The following TNFRSF13B variants were observed in gnomAD, a reference collection of about 807,000 sequenced individuals.
The protein encoded by TNFRSF13B is tumor necrosis factor receptor superfamily member 13B.
In TNFRSF13B, 34 loss-of-function variants were observed where a neutral mutation model predicts 24.0. The ratio of observed to expected loss-of-function variants is 1.41; its 90% confidence interval spans 1.08 to 1.88. TNFRSF13B has a LOEUF of 1.88. Among genes scored for constraint, TNFRSF13B ranks in the 40% most tolerant of loss-of-function variants. The probability of loss-of-function intolerance (pLI) is 0.00; values close to 1 mark genes in which losing one functional copy is unlikely to be tolerated. For missense variants in TNFRSF13B, 415 were observed against 380.8 expected, an observed-to-expected ratio of 1.09 and a Z score of -0.75; for synonymous variants, 173 against 150.3, an observed-to-expected ratio of 1.15 and a Z score of -1.10.
chr17:16,947,289 C>A (rs1284765096), intron 3 of TNFRSF13B, among the ~76,000 whole-genome samples: 2 of 152,118 alleles, frequency 1.3e-5, no homozygotes, highest in Non-Finnish European at 2.9e-5. Context: ...GACATTGGCC[C>A]TGGGAAAGAA....
At chr17:16,955,490 C>T (rs1025977775) in intron 1 of TNFRSF13B, among the ~76,000 whole-genome samples, 5 of 152,046 alleles carry the variant, frequency 3.3e-5, no homozygotes, top group African/African-American at 1.2e-4. Context: ...AAGATGTAAT[C>T]GAATAAATTG....
chr17:16,969,139 TTCCTTA>T (rs1399026885), intron 1 of TNFRSF13B, among the ~76,000 whole-genome samples: 1 of 152,208 alleles, frequency 6.6e-6, no homozygotes, highest in Non-Finnish European at 1.5e-5. Flanking sequence ...CATTTTGCAG[TTCCTTA>T]AAATGTTAAA....
At chr17:16,958,692 TA>T (rs1319988276) in intron 1 of TNFRSF13B, among the ~76,000 whole-genome samples, 1 of 152,012 alleles carries the variant, frequency 6.6e-6, no homozygotes, top group Non-Finnish European at 1.5e-5. Flanking sequence ...AAGCAGACTT[TA>T]AATCACAAAA....
chr17:16,959,424 A>C (rs1387758254), intron 1 of TNFRSF13B, among the ~76,000 whole-genome samples: 1 of 148,928 alleles, frequency 6.7e-6, no homozygotes, highest in Non-Finnish European at 1.5e-5. Flanking sequence ...ACCTTGAGGA[A>C]ATAAAAATAG....
In TNFRSF13B at chr17:16,948,782, C is replaced by G. The variant is rs776020692; in HGVS notation, c.401G>C (p.Gly134Ala). The G allele has an allele frequency of 1.2e-6, 2 of 1,614,182 alleles. No individual in the cohort carries two copies. The highest frequency in any genetic ancestry group is 1.7e-6 in the Non-Finnish European group (2 of 1,180,032). The change falls in exon 3 of 5, where the codon GGA becomes GCA. Residue 134 changes from glycine to alanine, a missense_variant. Gly to Ala is a moderately conservative substitution (Grantham distance 60, BLOSUM62 0). Transcript: ENST00000261652. ...GEVENNSDNS[G>A]RYQGLEHRGS... ...TCTGTGCTCCAATCCTTGGTACCTT[C>G]CCGAGTTGTCTGAATTGTTTTCAAC...
chr17:16,940,404 A>G lies in TNFRSF13B; in HGVS notation c.553T>C (p.Phe185Leu), dbSNP rs749816465. ...LCCFLVAVAC[F>L]LKKRGDPCSC... ...CAGGGATCCCCCCTCTTCTTGAGGA[A>G]GCAGGCCACCGCCACCAGGAAGCAG... Residue 185 changes from phenylalanine (F) to leucine (L), a missense_variant, in exon 4 of 5, where the codon TTC (phenylalanine) becomes CTC (leucine). Physicochemically the swap from Phe to Leu is conservative, Grantham distance 22. Coordinates refer to ENST00000261652, the MANE Select transcript of TNFRSF13B (RefSeq NM_012452.3). 1.9e-6 allele frequency: 3 copies of G among 1,614,062 alleles called. No individual in the cohort carries two copies. The highest frequency in any genetic ancestry group is 2.5e-6 in the Non-Finnish European group (3 of 1,180,016).
intron 3 of TNFRSF13B, chr17:16,941,493 G>C (rs2087509758): frequency 1.0e-6 from 1 of 987,538 alleles, no homozygotes; most frequent in Non-Finnish European, 1.2e-6. Context: ...TGGAAAGACA[G>C]ATGAGCCAGA....
chr17:16,948,591 T>G lies in TNFRSF13B; in HGVS notation c.445+147A>C, dbSNP rs2087565172. The G allele has an allele frequency of 4.3e-6, 5 of 1,167,954 alleles. No homozygotes were observed. In the East Asian group the frequency reaches 1.2e-4, roughly 28 times the overall value. The allele number at this position is 1,167,954 out of a possible 1,614,324, so 72.3% of individuals were successfully genotyped here. A position where few individuals can be genotyped will look rare whatever the true frequency, so the allele number is the denominator to read the frequency against. On this transcript the variant is annotated intron_variant, in intron 3 of 4. Coordinates refer to ENST00000261652, the MANE Select transcript of TNFRSF13B (RefSeq NM_012452.3). ...AATGTTGCCTACATTGTTTTTTTTATCCTGGGATGATCTCCCTGGCTTCTG... is the reference window on the plus strand; with the variant it reads ...AATGTTGCCTACATTGTTTTTTTTAGCCTGGGATGATCTCCCTGGCTTCTG...
chr17:16,969,992 G>A (rs1367894726), intron 1 of TNFRSF13B, among the ~76,000 whole-genome samples: 1 of 152,150 alleles, frequency 6.6e-6, no homozygotes, highest in Non-Finnish European at 1.5e-5. Context: ...CAGCCTTGGA[G>A]ATGTTCCAAG....
At position 16,939,098 on chromosome 17, in the gene TNFRSF13B, T is replaced by G. The variant is rs1450958500; in HGVS notation, c.*449A>C. ...CCACAATGCAGTGAGGAAGGGCAGC[T>G]GCCAAAGGTTTTATTCTCCAGGAGG... On this transcript the variant is annotated 3_prime_UTR_variant, in exon 5 of 5. Transcript: ENST00000261652. 1 of 158,064 alleles carries G rather than the reference T, an allele frequency of 6.3e-6. No homozygotes were observed. The highest frequency in any genetic ancestry group is 1.4e-5 in the Non-Finnish European group (1 of 72,296). 9.8% of individuals were successfully genotyped at this position (158,064 alleles called of 1,614,324 possible).
chr17:16,970,837 C>T lies in TNFRSF13B; in HGVS notation c.61+1178G>A, dbSNP rs147382570. On this transcript the variant is annotated intron_variant, in intron 1 of 4. Coordinates refer to ENST00000261652, the MANE Select transcript of TNFRSF13B (RefSeq NM_012452.3). ...TTGTCCAAGTCTCTCAGAAACTTTA[C>T]ATATTTGAGCCCCTGGCTGTGTAGA... Among the ~76,000 whole-genome samples, 699 of 152,314 alleles carry T rather than the reference C, an allele frequency of 4.6e-3. 5 individuals are homozygous for T. The highest frequency in any genetic ancestry group is 0.016 in the African/African-American group (661 of 41,564).
chr17:16,970,385 C>T (rs1212842303), intron 1 of TNFRSF13B, among the ~76,000 whole-genome samples: 2 of 152,162 alleles, frequency 1.3e-5, no homozygotes, highest in Non-Finnish European at 2.9e-5. Flanking sequence ...GGGTGATTCT[C>T]AGAGCCCTCT....
chr17:16,940,735 A>G, intron 3 of TNFRSF13B: 1 of 1,437,818 alleles, frequency 7.0e-7, no homozygotes. Context: ...TCAAAGCTGG[A>G]AACGTGAGCT....
intron 1 of TNFRSF13B, among the ~76,000 whole-genome samples, chr17:16,967,612 C>T (rs1018513630): frequency 2.0e-5 from 3 of 151,086 alleles, no homozygotes; most frequent in African/African-American, 7.3e-5. Context: ...ATTAGCCGGG[C>T]ATGGTGGTGG....
intron 1 of TNFRSF13B, among the ~76,000 whole-genome samples, chr17:16,969,458 A>G (rs2087728439): frequency 6.6e-6 from 1 of 152,242 alleles, no homozygotes; most frequent in African/African-American, 2.4e-5. Flanking sequence ...GTCACAATAC[A>G]TCACATATGA....
chr17:16,946,901 AT>A (rs67338491), intron 3 of TNFRSF13B, among the ~76,000 whole-genome samples: 7,575 of 151,908 alleles, frequency 0.05, 209 homozygotes, highest in South Asian at 0.11. Flanking sequence ...TCTTTTTACA[AT>A]TTTTTTTCCC....
At chr17:16,948,535 C>G (rs2087564919) in intron 3 of TNFRSF13B, among the ~76,000 whole-genome samples, 1 of 152,162 alleles carries the variant, frequency 6.6e-6, no homozygotes, top group Admixed American at 6.5e-5. Context: ...GGTCCTTTCT[C>G]CTGCTTTCTT....
At chr17:16,943,936 C>T (rs1427021211) in intron 3 of TNFRSF13B, among the ~76,000 whole-genome samples, 2 of 152,206 alleles carry the variant, frequency 1.3e-5, no homozygotes, top group Non-Finnish European at 2.9e-5. Context: ...GGCCTGGAGT[C>T]GTCGCAGTAG....
At chr17:16,963,972 C>G (rs755245408) in intron 1 of TNFRSF13B, among the ~76,000 whole-genome samples, 25 of 152,094 alleles carry the variant, frequency 1.6e-4, no homozygotes, top group Non-Finnish European at 2.9e-4. Context: ...GTGTGTGCCC[C>G]GATAAGGCTG....
Sources: allele counts gnomAD v4.1 joint callset (sites outside exome capture counted in the v4.1 genomes callset), GRCh38; gene constraint gnomAD v4.1.1; transcripts MANE v1.5; gene names NCBI Gene and HGNC (gene_info 2026-07-23, HGNC 2026-07-21).